The following PTK2 variants were observed in gnomAD, a reference collection of about 807,000 sequenced individuals.
The protein encoded by PTK2 is focal adhesion kinase 1.
A neutral mutation model predicts 150.1 loss-of-function variants in PTK2; 45 were observed. That is an observed-to-expected ratio of 0.30 (90% CI 0.24 to 0.38). The LOEUF (loss-of-function observed/expected upper bound fraction) is 0.38, where lower values mean the gene tolerates loss of function less well. Ranked by LOEUF, PTK2 falls within the 10% of genes least tolerant of loss-of-function variation. The pLI, the probability that PTK2 is intolerant of heterozygous loss-of-function variation, is 1.00. For synonymous variants in PTK2, 432 were observed against 449.2 expected, an observed-to-expected ratio of 0.96 and a Z score of 0.48; for missense variants, 919 against 1,307.3, an observed-to-expected ratio of 0.70 and a Z score of 4.58.
rs112806026 is a variant in PTK2, at chr8:140,925,779, C to A, written c.-121-30G>T. On this transcript the variant is annotated intron_variant, in intron 1 of 31. Coordinates refer to ENST00000522684, the Ensembl canonical transcript of PTK2. ...GAGACAAAGAAAATCATTTCAAAAT[C>A]CTGAACTTCAGTTTCTTCATCAGCA... 2.3e-3 allele frequency: 1,036 copies of A among 447,686 alleles called. 13 individuals are homozygous for A. Among genetic ancestry groups the A allele is most frequent in the African/African-American group, 0.019 (902 of 46,980 alleles). The allele number at this position is 447,686 out of a possible 1,614,324, so 27.7% of individuals were successfully genotyped here. A position where few individuals can be genotyped will look rare whatever the true frequency, so the allele number is the denominator to read the frequency against.
chr8:140,876,965 ATC>A (rs1240611001), intron 4 of PTK2, among the ~76,000 whole-genome samples: 2 of 145,894 alleles, frequency 1.4e-5, no homozygotes, highest in Non-Finnish European at 3.0e-5. Flanking sequence ...TCATCAGTTT[ATC>A]TGTCACATTT....
Position 140,853,445 on chromosome 8 carries a change from G to A in PTK2, c.451-6767C>T, listed in dbSNP as rs532723989. ...TACGAGGGAGAACATGTGGTGTTTG[G>A]TTTTCTGTCCTTGTGATAGTTTGCT... On this transcript the variant is annotated intron_variant, in intron 5 of 31. Transcript: ENST00000522684. Among the ~76,000 whole-genome samples the A allele has an allele frequency of 6.7e-5, 10 of 149,180 alleles. No homozygotes were observed. The South Asian group carries it at 2.1e-3, about 32-fold the overall frequency.
intron 10 of PTK2, among the ~76,000 whole-genome samples, chr8:140,814,776 CTTTT>C (rs1167413529): frequency 7.0e-6 from 1 of 141,864 alleles, no homozygotes; most frequent in Non-Finnish European, 1.6e-5. Context: ...ATAAATTGTT[CTTTT>C]TTTTTTTTTT....
intron 3 of PTK2, 182 bp downstream of exon 3, chr8:140,890,361 C>A: frequency 2.1e-6 from 1 of 485,910 alleles, no homozygotes; most frequent in Non-Finnish European, 3.5e-6. Context: ...AACTTTACAA[C>A]AATTAGAACG....
intron 1 of PTK2, among the ~76,000 whole-genome samples, chr8:140,935,830 C>G (rs933729864): frequency 6.6e-6 from 1 of 151,826 alleles, no homozygotes; most frequent in African/African-American, 2.4e-5. Flanking sequence ...GCCACCACAC[C>G]TGGCTAATTT....
intron 14 of PTK2, among the ~76,000 whole-genome samples, chr8:140,773,572 G>A (rs906644555): frequency 2.0e-5 from 3 of 152,138 alleles, no homozygotes; most frequent in Non-Finnish European, 4.4e-5. Context: ...ACAGGCCTTG[G>A]CTCTGCAGAG....
chr8:140,916,308 G>GT (rs2100165259), intron 2 of PTK2, among the ~76,000 whole-genome samples: 2 of 152,192 alleles, frequency 1.3e-5, no homozygotes, highest in Non-Finnish European at 2.9e-5. Flanking sequence ...ACCCATGCCT[G>GT]TGTCTCTGGT....
At chr8:140,946,325 G>C (rs2100177675) in intron 1 of PTK2, among the ~76,000 whole-genome samples, 1 of 152,072 alleles carries the variant, frequency 6.6e-6, no homozygotes, top group South Asian at 2.1e-4. Context: ...ATGTTTAAAA[G>C]TCAAAATAAT....
At chr8:140,705,975 G>C in intron 24 of PTK2, 144 bp downstream of exon 27, 1 of 599,894 alleles carries the variant, frequency 1.7e-6, no homozygotes, top group Non-Finnish European at 2.8e-6. Flanking sequence ...ATCATTCAAT[G>C]ATTAGGGTAA....
intron 10 of PTK2, 145 bp from the exon 11 acceptor site, chr8:140,803,795 TG>T: frequency 1.4e-6 from 1 of 712,194 alleles, no homozygotes; most frequent in Non-Finnish European, 2.4e-6. Context: ...TTCTCCATGC[TG>T]CCCCAGGGGA....
At chr8:140,731,896 C>T (rs1334778687) in intron 22 of PTK2, among the ~76,000 whole-genome samples, 12 of 152,020 alleles carry the variant, frequency 7.9e-5, no homozygotes, top group Admixed American at 2.0e-4. Flanking sequence ...GAGGAGACCC[C>T]GCCTCAACAA....
chr8:140,740,667 C>T (rs1205614835), intron 20 of PTK2, among the ~76,000 whole-genome samples: 1 of 152,174 alleles, frequency 6.6e-6, no homozygotes, highest in Non-Finnish European at 1.5e-5. Flanking sequence ...GGACATCATA[C>T]TACTTGGAAT....
At chr8:140,773,120 T>C (rs1463344132) in intron 14 of PTK2, among the ~76,000 whole-genome samples, 6 of 152,246 alleles carry the variant, frequency 3.9e-5, no homozygotes, top group Non-Finnish European at 8.8e-5. Context: ...GACTGAATAT[T>C]CTTTATACTA....
chr8:140,788,093 G>C (rs1274778392), intron 14 of PTK2, among the ~76,000 whole-genome samples: 1 of 152,192 alleles, frequency 6.6e-6, no homozygotes, highest in Non-Finnish European at 1.5e-5. Context: ...TACTGCCCCA[G>C]TGTCACTACT....
chr8:140,734,438 C>T (rs2100051360), intron 22 of PTK2, among the ~76,000 whole-genome samples: 1 of 152,176 alleles, frequency 6.6e-6, no homozygotes, highest in African/African-American at 2.4e-5. Context: ...CTAAGCTTGG[C>T]ATTGGGGCTA....
chr8:140,702,998 T>C (rs896152538), intron 24 of PTK2, among the ~76,000 whole-genome samples: 1 of 151,758 alleles, frequency 6.6e-6, no homozygotes, highest in Non-Finnish European at 1.5e-5. Flanking sequence ...GAGGGAAGCA[T>C]AAGAGGAGGG....
At chr8:140,928,358 G>C (rs1262604934) in intron 1 of PTK2, among the ~76,000 whole-genome samples, 1 of 152,184 alleles carries the variant, frequency 6.6e-6, no homozygotes, top group East Asian at 1.9e-4. Flanking sequence ...TTGTTGGTGG[G>C]AATGTAAAAT....
chr8:140,662,586 C>A, intron 31 of PTK2: 1 of 429,324 alleles, frequency 2.3e-6, no homozygotes, highest in South Asian at 8.0e-5. Context: ...ACTACAGCAC[C>A]AGTCACAGGC....
At chr8:140,960,857 G>A (rs1040584309) in intron 1 of PTK2, among the ~76,000 whole-genome samples, 12 of 152,264 alleles carry the variant, frequency 7.9e-5, no homozygotes, top group Admixed American at 2.6e-4. Context: ...GCGCATGCCT[G>A]TAATCCCAGC....
Sources: allele counts gnomAD v4.1 joint callset (sites outside exome capture counted in the v4.1 genomes callset), GRCh38; gene constraint gnomAD v4.1.1; transcripts MANE v1.5; gene names NCBI Gene and HGNC (gene_info 2026-07-23, HGNC 2026-07-21).